The following FGF13 variants were observed in gnomAD, a reference collection of about 807,000 sequenced individuals.
The protein encoded by FGF13 is fibroblast growth factor 13.
Under a neutral mutation model 19.5 loss-of-function variants are expected in FGF13, and 2 were observed. The ratio of observed to expected loss-of-function variants is 0.10; its 90% confidence interval spans 0.04 to 0.32. The LOEUF is 0.32. Among genes scored for constraint, FGF13 ranks in the 10% least tolerant of loss-of-function variants. The pLI, the probability that FGF13 is intolerant of heterozygous loss-of-function variation, is 1.00. For missense variants in FGF13, 113 were observed against 192.7 expected (o/e 0.59, Z 2.45); for synonymous variants, 72 against 76.9 (o/e 0.94, Z 0.33).
intron 1 of FGF13, among the ~76,000 whole-genome samples, chrX:139,080,058 C>CCACACACACA (rs61341655): frequency 4.7e-5 from 5 of 105,319 alleles, no homozygotes; most frequent in African/African-American, 1.8e-4. Flanking sequence ...GAAAATATTA[C>CCACACACACA]CACACACACA....
intron 1 of FGF13, among the ~76,000 whole-genome samples, chrX:139,135,627 A>T (rs1490294695): frequency 1.8e-5 from 2 of 111,967 alleles, no homozygotes; most frequent in Non-Finnish European, 3.8e-5. Flanking sequence ...TGTGCTTGAC[A>T]CTAGGACAGT....
intron 1 of FGF13, among the ~76,000 whole-genome samples, chrX:138,867,051 G>A (rs2091328527): frequency 9.0e-6 from 1 of 111,078 alleles, no homozygotes; most frequent in East Asian, 2.8e-4. Flanking sequence ...TTCCTAACAA[G>A]GTCACTTTAA....
intron 3 of FGF13, among the ~76,000 whole-genome samples, chrX:138,787,958 T>C (rs2124368697): frequency 8.9e-6 from 1 of 111,892 alleles, no homozygotes; most frequent in East Asian, 2.8e-4. Context: ...TTCATTGCAT[T>C]CCAATCTGGC....
At chrX:139,141,047 T>TGATAGATAGATAGATAGATA (rs71855826) in intron 1 of FGF13, among the ~76,000 whole-genome samples, 19 of 89,115 alleles carry the variant, frequency 2.1e-4, no homozygotes, top group African/African-American at 6.5e-4. Flanking sequence ...ACTAGATAGA[T>TGATAGATAGATAGATAGATA]GATAGATAGA....
chrX:139,197,664 T>A (rs2084383241), intron 1 of FGF13, among the ~76,000 whole-genome samples: 1 of 110,060 alleles, frequency 9.1e-6, no homozygotes, highest in African/African-American at 3.3e-5. Context: ...AACCAAAGAG[T>A]GCATACAGGA....
chrX:139,181,000 T>C (rs774448920), intron 1 of FGF13, among the ~76,000 whole-genome samples: 3 of 112,122 alleles, frequency 2.7e-5, no homozygotes, highest in Non-Finnish European at 5.6e-5. Context: ...ATATGCCTCT[T>C]AACGGCATTT....
intron 1 of FGF13, among the ~76,000 whole-genome samples, chrX:139,102,152 A>T (rs771061859): frequency 1.6e-4 from 18 of 112,419 alleles, no homozygotes; most frequent in African/African-American, 5.8e-4. Flanking sequence ...AATTATTATA[A>T]AACAGCCTGC....
chrX:138,880,015 T>C (rs142121203), intron 1 of FGF13, among the ~76,000 whole-genome samples: 11,478 of 111,166 alleles, frequency 0.1, 1,438 homozygotes, highest in African/African-American at 0.35. Flanking sequence ...CAAAAAGTGG[T>C]GGAAGGATAT....
Position 138,616,143 on chromosome X carries a change from T to G in FGF13, c.*16707A>C, listed in dbSNP as rs1026499087. 3.6e-5 allele frequency: 4 copies of G among 111,897 alleles called. No individual in the cohort carries two copies. The highest frequency in any genetic ancestry group is 5.6e-4 in the East Asian group (2 of 3,559). The allele number at this position is 111,897 out of a possible 1,213,427, so 9.2% of individuals were successfully genotyped here. On this transcript the variant is annotated 3_prime_UTR_variant, in exon 5 of 5. Coordinates refer to ENST00000315930, the MANE Select transcript of FGF13 (RefSeq NM_004114.5). ...ATAGTCCCCCAAAGTATTAACTCAT[T>G]CAAACATTAACCCAGAAGTCCAAGT...
chrX:138,952,558 C>A (rs376128485), intron 1 of FGF13, among the ~76,000 whole-genome samples: 12 of 110,948 alleles, frequency 1.1e-4, no homozygotes, highest in East Asian at 2.9e-4. Flanking sequence ...AATGGCAACA[C>A]AAGCCAAAAT....
intron 3 of FGF13, among the ~76,000 whole-genome samples, chrX:138,822,992 A>G (rs2091009240): frequency 9.0e-6 from 1 of 111,678 alleles, no homozygotes; most frequent in African/African-American, 3.3e-5. Flanking sequence ...TGTGGAGATG[A>G]GGAAAGTGTC....
intron 1 of FGF13, among the ~76,000 whole-genome samples, chrX:138,935,461 C>T (rs898416138): frequency 2.6e-4 from 29 of 111,799 alleles, no homozygotes; most frequent in Non-Finnish European, 5.3e-4. Flanking sequence ...AAATTAGCTT[C>T]TCATGACTTG....
intron 1 of FGF13, among the ~76,000 whole-genome samples, chrX:139,094,330 T>C (rs749626500): frequency 1.4e-3 from 160 of 112,151 alleles, no homozygotes; most frequent in African/African-American, 4.8e-3. Flanking sequence ...ATGTACACAA[T>C]GCAAAACCAC....
At chrX:138,859,324 A>T (rs989482875) in intron 2 of FGF13, among the ~76,000 whole-genome samples, 1 of 111,565 alleles carries the variant, frequency 9.0e-6, no homozygotes, top group Non-Finnish European at 1.9e-5. Flanking sequence ...TTTAAATAAA[A>T]CTCCCCAAAT....
chrX:138,921,682 G>C (rs982638630), intron 1 of FGF13, among the ~76,000 whole-genome samples: 1 of 110,792 alleles, frequency 9.0e-6, no homozygotes, highest in Non-Finnish European at 1.9e-5. Flanking sequence ...AATATTATGG[G>C]GCAGCTTGAT....
chrX:139,169,470 T>C (rs1420224150), intron 1 of FGF13, among the ~76,000 whole-genome samples: 2 of 109,756 alleles, frequency 1.8e-5, no homozygotes, highest in Admixed American at 2.0e-4. Context: ...CCCTGCTTGC[T>C]TGCTTGTATT....
chrX:139,050,391 C>T (rs950578281), intron 1 of FGF13, among the ~76,000 whole-genome samples: 22 of 111,948 alleles, frequency 2.0e-4, no homozygotes, highest in Non-Finnish European at 3.6e-4. Context: ...CAGTGCCAAA[C>T]GCAGAGCCTT....
At chrX:138,918,273 CTT>C (rs1473807562) in intron 1 of FGF13, among the ~76,000 whole-genome samples, 3 of 110,974 alleles carry the variant, frequency 2.7e-5, no homozygotes, top group East Asian at 2.8e-4. Flanking sequence ...GGGAATTGGA[CTT>C]TGGTTTTCCT....
chrX:138,816,740 A>C (rs2090964163), intron 3 of FGF13, among the ~76,000 whole-genome samples: 1 of 112,393 alleles, frequency 8.9e-6, no homozygotes, highest in South Asian at 3.7e-4. Context: ...AACTTTCTTA[A>C]AACATTATGA....
Sources: gnomAD v4.1 joint callset for allele counts (sites outside exome capture counted in the v4.1 genomes callset) on GRCh38, gnomAD v4.1.1 for gene constraint, MANE v1.5 for transcripts, NCBI Gene and HGNC (gene_info 2026-07-23, HGNC 2026-07-21) for gene names.